The following TREML2 variants were observed in gnomAD, a reference collection of about 807,000 sequenced individuals.
TREML2 encodes the protein triggering receptor expressed on myeloid cells like 2.
TREML2 carries 24 observed loss-of-function variants against 25.9 expected under a neutral mutation model. That is an observed-to-expected ratio of 0.93 (90% CI 0.67 to 1.30). The LOEUF (loss-of-function observed/expected upper bound fraction) is 1.30. TREML2 is among the 50% of genes most tolerant of loss of function. The pLI is 0.00. For missense variants in TREML2, 359 were observed against 395.6 expected (o/e 0.91, Z 0.78); for synonymous variants, 139 against 155.2 (o/e 0.90, Z 0.77).
In TREML2 at chr6:41,200,946, C is replaced by T. The variant is rs1248647813; in HGVS notation, c.55+8G>A. 2 of 1,547,016 alleles carry T rather than the reference C, an allele frequency of 1.3e-6. No individual in the cohort carries two copies. Among genetic ancestry groups the T allele is most frequent in the Non-Finnish European group, 1.7e-6 (2 of 1,147,858 alleles). ...CCTCCTCCACAAGTCAGCCCCTTCT[C>T]CCCTCACCTGAGACGCAACCCTGTG... On this transcript the variant is annotated splice_region_variant and intron_variant, in intron 1 of 4. Transcript: ENST00000483722.
chr6:41,199,344 C>G (rs1339371428), intron 1 of TREML2, among the ~76,000 whole-genome samples: 1 of 152,222 alleles, frequency 6.6e-6, no homozygotes, highest in Non-Finnish European at 1.5e-5. Context: ...ACTTAGTCCT[C>G]TTTAAATAAT....
chr6:41,195,254 G>A (rs1001533264), intron 2 of TREML2, among the ~76,000 whole-genome samples: 5 of 152,176 alleles, frequency 3.3e-5, no homozygotes, highest in African/African-American at 7.2e-5. Context: ...GAGGCATCAA[G>A]GTCCTCAAAT....
intron 2 of TREML2, among the ~76,000 whole-genome samples, chr6:41,196,063 AG>A (rs1766154705): frequency 6.6e-6 from 1 of 152,258 alleles, no homozygotes; most frequent in African/African-American, 2.4e-5. Context: ...AGTTGGAATA[AG>A]GATTTTTTTT....
At chr6:41,193,032 AC>A (rs1311219068) in intron 3 of TREML2, 131 bp from the exon 4 acceptor site, 1 of 663,758 alleles carries the variant, frequency 1.5e-6, no homozygotes, top group Non-Finnish European at 2.5e-6. Flanking sequence ...CCTCTTCCTT[AC>A]AGACCCGGCC....
chr6:41,199,204 G>A (rs542263080), intron 1 of TREML2, among the ~76,000 whole-genome samples: 127 of 152,322 alleles, frequency 8.3e-4, no homozygotes, highest in Non-Finnish European at 4.3e-4. Flanking sequence ...CATGCCCTCA[G>A]TGAGACAGAT....
chr6:41,195,878 A>T (rs1766151195), intron 2 of TREML2, among the ~76,000 whole-genome samples: 1 of 152,208 alleles, frequency 6.6e-6, no homozygotes, highest in Non-Finnish European at 1.5e-5. Context: ...CAACACACTA[A>T]GAGGGCCAAG....
At chr6:41,194,387 A>T in intron 3 of TREML2, 38 bp downstream of exon 3, 1 of 1,497,824 alleles carries the variant, frequency 6.7e-7, no homozygotes, top group Non-Finnish European at 8.9e-7. Flanking sequence ...TTTGGGCACT[A>T]AGTGCTGGTG....
At position 41,192,278 on chromosome 6, in the gene TREML2, C is replaced by A; in HGVS notation, c.*149G>T. 1.5e-6 allele frequency: 1 copy of A among 673,950 alleles called. No homozygotes were observed. Among genetic ancestry groups the A allele is most frequent in the South Asian group, 1.7e-5 (1 of 57,708 alleles). The allele number at this position is 673,950 out of a possible 1,614,324, so 41.7% of individuals were successfully genotyped here. On this transcript the variant is annotated 3_prime_UTR_variant, in exon 5 of 5. Coordinates refer to ENST00000483722, the MANE Select transcript of TREML2 (RefSeq NM_024807.4). ...TGGGCTGTGGGGCTGCTTAGGATGG[C>A]AGCCTCTGGGTTTGGGAAGTCCTGG...
intron 1 of TREML2, among the ~76,000 whole-genome samples, chr6:41,198,656 C>T (rs555706528): frequency 6.6e-6 from 1 of 152,162 alleles, no homozygotes. Flanking sequence ...GGAGACACAA[C>T]CCCCGCTCTC....
rs1041857034 is a variant in TREML2 at position 41,191,991 on chromosome 6, T to C, written c.*436A>G. 3 of 172,060 alleles carry C rather than the reference T, an allele frequency of 1.7e-5. No individual in the cohort carries two copies. Among genetic ancestry groups the C allele is most frequent in the African/African-American group, 7.1e-5 (3 of 42,180 alleles). The allele number at this position is 172,060 out of a possible 1,614,324, so 10.7% of individuals were successfully genotyped here. A position where few individuals can be genotyped will look rare whatever the true frequency, so the allele number is the denominator to read the frequency against. On this transcript the variant is annotated 3_prime_UTR_variant, in exon 5 of 5. Coordinates refer to ENST00000483722, the MANE Select transcript of TREML2 (RefSeq NM_024807.4). ...AGCCCGATTCTTTCTTCCCTAACCT[T>C]AGGGGAAGCTGAAGCAGAACGGAGG...
At chr6:41,196,946 A>C (rs1159308461) in intron 2 of TREML2, among the ~76,000 whole-genome samples, 1 of 152,194 alleles carries the variant, frequency 6.6e-6, no homozygotes, top group East Asian at 1.9e-4. Context: ...CCTCCAAATT[A>C]GCTCCTCTTT....
intron 3 of TREML2, 111 bp downstream of exon 3, chr6:41,194,314 C>T (rs769845511): frequency 8.9e-7 from 1 of 1,125,926 alleles, no homozygotes; most frequent in Non-Finnish European, 1.2e-6. Context: ...AGAAGCAGGC[C>T]ACATTGGGTT....
chr6:41,190,851 G>GTGTC lies in TREML2; in HGVS notation c.*1572_*1575dup, dbSNP rs11271583. ...GCTAGACAGAGATGGGTGTGTGTGC[G>GTGTC]TGTCTGTCTGTCTGTCTGTCTGTCT... is the stretch of plus-strand genomic sequence containing the variant. On this transcript the variant is annotated 3_prime_UTR_variant, in exon 5 of 5. Transcript: ENST00000483722. 0.09 allele frequency: 13,584 copies of GTGTC among 151,312 alleles called. 1,230 individuals carry two copies. Among genetic ancestry groups the GTGTC allele is most frequent in the African/African-American group, 0.24 (9,785 of 40,736 alleles). The allele number at this position is 151,312 out of a possible 1,614,324, so 9.4% of individuals were successfully genotyped here.
chr6:41,194,850 G>A lies in TREML2; in HGVS notation c.377-17C>T, dbSNP rs1449907891. The A allele has an allele frequency of 2.6e-6, 4 of 1,544,790 alleles. No homozygotes were observed. Among genetic ancestry groups the A allele is most frequent in the South Asian group, 1.3e-5 (1 of 79,620 alleles). On this transcript the variant is annotated splice_polypyrimidine_tract_variant and intron_variant, in intron 2 of 4. Coordinates refer to ENST00000483722, the MANE Select transcript of TREML2 (RefSeq NM_024807.4). The stretch of plus-strand genomic sequence containing the variant: ...TTTGGGGAGCTGAAAGACAGAAAGG[G>A]AGGAACGTTAGATTGACTTGGGTGC...
chr6:41,192,740 AC>A, intron 4 of TREML2, 60 bp downstream of exon 4: 1 of 1,471,458 alleles, frequency 6.8e-7, no homozygotes, highest in Non-Finnish European at 9.4e-7. Flanking sequence ...CGAGGTCATA[AC>A]CCTTAGTGCA....
chr6:41,197,113 C>T (rs965398368), intron 2 of TREML2, among the ~76,000 whole-genome samples: 3 of 152,194 alleles, frequency 2.0e-5, no homozygotes, highest in Admixed American at 6.5e-5. Context: ...GTCTGAAAAA[C>T]ATAGATTTGA....
chr6:41,192,970 G>A (rs1408985005), intron 3 of TREML2, 69 bp from the exon 4 acceptor site: 8 of 1,319,156 alleles, frequency 6.1e-6, no homozygotes, highest in South Asian at 4.5e-5. Flanking sequence ...CGTTGGGATC[G>A]GACCAGCAGC....
At chr6:41,192,721 G>T (rs6924143) in intron 4 of TREML2, 80 bp downstream of exon 4, 34,146 of 1,341,656 alleles carry the variant, frequency 0.025, 654 homozygotes, top group African/African-American at 0.069. Flanking sequence ...GCCATACCAC[G>T]TGGGGACTCG....
In TREML2 at chr6:41,192,151, G is replaced by T; in HGVS notation, c.*276C>A. The T allele has an allele frequency of 2.2e-6, 1 of 453,870 alleles. No homozygotes were observed. The highest frequency in any genetic ancestry group is 4.1e-6 in the Non-Finnish European group (1 of 245,038). The allele number at this position is 453,870 out of a possible 1,614,324, so 28.1% of individuals were successfully genotyped here. A position where few individuals can be genotyped will look rare whatever the true frequency, so the allele number is the denominator to read the frequency against. On this transcript the variant is annotated 3_prime_UTR_variant, in exon 5 of 5. Coordinates refer to ENST00000483722, the MANE Select transcript of TREML2 (RefSeq NM_024807.4). ...GCCTCCACCAAGAGCCCTGGGGTCT[G>T]CAGCTCCGAGCAGAAACCACTGGTC...
Sources: allele counts gnomAD v4.1 joint callset (sites outside exome capture counted in the v4.1 genomes callset), GRCh38; gene constraint gnomAD v4.1.1; transcripts MANE v1.5; gene names NCBI Gene and HGNC (gene_info 2026-07-23, HGNC 2026-07-21).